The following RSPO2 variants were observed in gnomAD, a reference collection of about 807,000 sequenced individuals.
The protein encoded by RSPO2 is R-spondin-2.
In RSPO2, 14 loss-of-function variants were observed where a neutral mutation model predicts 30.9. The ratio of observed to expected loss-of-function variants is 0.45; its 90% CI spans 0.30 to 0.71. The LOEUF is 0.71. RSPO2 is among the 30% of genes least tolerant of loss of function. The pLI, the probability that RSPO2 is intolerant of heterozygous loss-of-function variation, is 0.08. For synonymous variants in RSPO2, 107 were observed against 96.4 expected (o/e 1.11, Z -0.64); for missense variants, 264 against 301.9 (o/e 0.87, Z 0.93).
chr8:107,907,552 T>C (rs1328246602), intron 5 of RSPO2, among the ~76,000 whole-genome samples: 2 of 151,716 alleles, frequency 1.3e-5, no homozygotes, highest in Admixed American at 1.3e-4. Context: ...TAAAAGAGCA[T>C]GTGCTTTTAA....
chr8:107,943,965 G>C (rs1426276671), intron 5 of RSPO2, among the ~76,000 whole-genome samples: 1 of 152,086 alleles, frequency 6.6e-6, no homozygotes, highest in East Asian at 1.9e-4. Context: ...ATCTTACCTG[G>C]ATTAGTACTC....
At chr8:108,022,758 T>C (rs960308138) in intron 2 of RSPO2, among the ~76,000 whole-genome samples, 5 of 151,910 alleles carry the variant, frequency 3.3e-5, no homozygotes. Context: ...AAACGCCATC[T>C]CTACTAAAAA....
intron 3 of RSPO2, 79 bp from the exon 4 acceptor site, chr8:107,960,896 C>T (rs1483865535): frequency 1.8e-6 from 2 of 1,086,562 alleles, no homozygotes; most frequent in Admixed American, 5.7e-5. Flanking sequence ...TTTTTGTAAA[C>T]TCACAAGTTA....
chr8:107,948,866 A>AAAAATAAAT (rs1554575499), intron 5 of RSPO2, among the ~76,000 whole-genome samples: 13 of 145,886 alleles, frequency 8.9e-5, no homozygotes, highest in East Asian at 4.1e-4. Flanking sequence ...TCTCAAAAAA[A>AAAAATAAAT]AAATAAATAA....
chr8:108,008,755 C>T (rs1346301405), intron 2 of RSPO2, among the ~76,000 whole-genome samples: 2 of 147,112 alleles, frequency 1.4e-5, no homozygotes, highest in Non-Finnish European at 3.0e-5. Flanking sequence ...TAAAGAGTCT[C>T]CTGAAAGGCT....
chr8:108,065,359 TTG>T (rs1812633414), intron 2 of RSPO2, among the ~76,000 whole-genome samples: 1 of 151,834 alleles, frequency 6.6e-6, no homozygotes, highest in Non-Finnish European at 1.5e-5. Context: ...ACCTCCAGTG[TTG>T]TCTTACTCCA....
chr8:107,922,573 T>G (rs1812209847), intron 5 of RSPO2, among the ~76,000 whole-genome samples: 1 of 152,168 alleles, frequency 6.6e-6, no homozygotes, highest in Admixed American at 6.6e-5. Context: ...ATGACATTTT[T>G]CATAGAACTA....
At chr8:108,056,128 G>A (rs957387365) in intron 2 of RSPO2, among the ~76,000 whole-genome samples, 2 of 152,126 alleles carry the variant, frequency 1.3e-5, no homozygotes, top group African/African-American at 4.8e-5. Context: ...TATTATAGGG[G>A]AATTGGTTTT....
intron 2 of RSPO2, among the ~76,000 whole-genome samples, chr8:108,055,170 C>G (rs561907338): frequency 8.5e-5 from 13 of 152,192 alleles, no homozygotes; most frequent in South Asian, 2.1e-4. Context: ...GCTTTAGATA[C>G]AGTTACTGTG....
intron 2 of RSPO2, among the ~76,000 whole-genome samples, chr8:108,028,991 G>A (rs1039771337): frequency 4.6e-5 from 6 of 131,546 alleles, no homozygotes; most frequent in African/African-American, 1.6e-4. Context: ...CGTGAAGTCA[G>A]TTCAAATTCT....
intron 2 of RSPO2, among the ~76,000 whole-genome samples, chr8:108,042,161 A>G (rs188718029): frequency 1.2e-4 from 18 of 152,204 alleles, no homozygotes; most frequent in African/African-American, 4.3e-4. Context: ...GAAGAAAAGA[A>G]AATCAAGGAC....
intron 5 of RSPO2, among the ~76,000 whole-genome samples, chr8:107,955,036 AG>A (rs1218888755): frequency 1.3e-5 from 2 of 152,168 alleles, no homozygotes; most frequent in Non-Finnish European, 2.9e-5. Flanking sequence ...TAGTCTTTGA[AG>A]GACCAAGCAG....
chr8:108,069,358 C>G (rs1343455727), intron 2 of RSPO2, among the ~76,000 whole-genome samples: 1 of 152,114 alleles, frequency 6.6e-6, no homozygotes, highest in East Asian at 1.9e-4. Flanking sequence ...GGACTACAGG[C>G]ATGCACCACC....
intron 5 of RSPO2, among the ~76,000 whole-genome samples, chr8:107,906,850 G>C (rs1811663720): frequency 6.6e-6 from 1 of 151,818 alleles, no homozygotes; most frequent in South Asian, 2.1e-4. Flanking sequence ...AATGTGATAT[G>C]GTTAATCAAG....
At chr8:107,942,478 C>T (rs1812932045) in intron 5 of RSPO2, among the ~76,000 whole-genome samples, 1 of 152,078 alleles carries the variant, frequency 6.6e-6, no homozygotes, top group African/African-American at 2.4e-5. Context: ...AAATAAAGAT[C>T]TAAGTTTAGG....
intron 2 of RSPO2, among the ~76,000 whole-genome samples, chr8:108,019,505 CTCTCAGCCTTTCGGTCT>C (rs139603224): frequency 0.076 from 11,512 of 152,218 alleles, 739 homozygotes; most frequent in African/African-American, 0.16. Flanking sequence ...TTGAGGGTTT[CTCTCAGCCTTTCGGTCT>C]TCTCAGCCTT....
intron 5 of RSPO2, among the ~76,000 whole-genome samples, chr8:107,952,536 C>A (rs1813288034): frequency 6.6e-6 from 1 of 152,136 alleles, no homozygotes; most frequent in Non-Finnish European, 1.5e-5. Context: ...AAAAGAGGTT[C>A]TCTCTTATCT....
chr8:107,934,614 T>A (rs1421545244), intron 5 of RSPO2, among the ~76,000 whole-genome samples: 1 of 152,028 alleles, frequency 6.6e-6, no homozygotes, highest in Non-Finnish European at 1.5e-5. Context: ...TCAGGTGATC[T>A]GCCTGCCTCA....
At position 107,969,605 on chromosome 8, in the gene RSPO2, T is replaced by C. The variant is rs1404606191; in HGVS notation, c.284-8788A>G. Among the ~76,000 whole-genome samples the C allele has an allele frequency of 2.6e-5, 4 of 152,152 alleles. No individual in the cohort carries two copies. In the East Asian group the frequency reaches 7.7e-4, roughly 29 times the overall value. The stretch of plus-strand genomic sequence containing the variant: ...TCAAGTGATGCATATTTGAAATCAT[T>C]CTCAAAACAAATGAAATTAAAATGA... On this transcript the variant is annotated intron_variant, in intron 3 of 5. Coordinates refer to ENST00000276659, the MANE Select transcript of RSPO2 (RefSeq NM_178565.5).
Sources: gnomAD v4.1 joint callset for allele counts (sites outside exome capture counted in the v4.1 genomes callset) on GRCh38, gnomAD v4.1.1 for gene constraint, MANE v1.5 for transcripts, NCBI Gene and HGNC (gene_info 2026-07-23, HGNC 2026-07-21) for gene names.